The following SGCD variants were observed in gnomAD, a reference collection of about 807,000 sequenced individuals.
The protein encoded by SGCD is sarcoglycan delta, also known as delta-sarcoglycan.
Under a neutral mutation model 36.6 loss-of-function variants are expected in SGCD, and 18 were observed. That is an observed-to-expected ratio of 0.49 (90% confidence interval 0.34 to 0.73). SGCD has a LOEUF of 0.73. SGCD is among the 30% of genes least tolerant of loss of function. The probability of loss-of-function intolerance (pLI) is 0.01; values close to 1 mark genes in which losing one functional copy is unlikely to be tolerated. For missense variants in SGCD, 387 were observed against 346.7 expected, an observed-to-expected ratio of 1.12 and a Z score of -0.92; for synonymous variants, 133 against 130.6, an observed-to-expected ratio of 1.02 and a Z score of -0.12.
chr5:155,752,356 C>T, the SGCD span, among the ~76,000 whole-genome samples: 1 of 152,208 alleles, frequency 6.6e-6, no homozygotes, highest in African/African-American at 2.4e-5. Flanking sequence ...ACCTCAGAGT[C>T]ATGTTCCCCT....
chr5:156,466,501 C>G (rs1754726137), intron 3 of SGCD, among the ~76,000 whole-genome samples: 1 of 152,210 alleles, frequency 6.6e-6, no homozygotes, highest in Non-Finnish European at 1.5e-5. Flanking sequence ...ACTCTCCCCT[C>G]AGTCACTTCA....
intron 1 of SGCD, among the ~76,000 whole-genome samples, chr5:156,029,163 G>A (rs1435958513): frequency 6.6e-6 from 1 of 152,100 alleles, no homozygotes; most frequent in Non-Finnish European, 1.5e-5. Context: ...TCAAGAAAAT[G>A]CTGTGTTTAA....
At chr5:156,496,819 G>C (rs946158695) in intron 3 of SGCD, among the ~76,000 whole-genome samples, 2 of 152,088 alleles carry the variant, frequency 1.3e-5, no homozygotes, top group African/African-American at 4.8e-5. Flanking sequence ...AATGGTGACT[G>C]CTTTGTCATC....
intron 3 of SGCD, among the ~76,000 whole-genome samples, chr5:156,227,858 T>G (rs1220363022): frequency 6.6e-6 from 1 of 152,144 alleles, no homozygotes; most frequent in Non-Finnish European, 1.5e-5. Context: ...GTCTTTCAGT[T>G]TGGAGAATTT....
intron 1 of SGCD, among the ~76,000 whole-genome samples, chr5:155,896,399 C>T (rs1022593169): frequency 4.0e-5 from 6 of 150,928 alleles, no homozygotes; most frequent in Non-Finnish European, 8.9e-5. Flanking sequence ...AGAGTGTTCC[C>T]TACCTGAGAA....
the SGCD span, among the ~76,000 whole-genome samples, chr5:155,863,563 C>T: frequency 7.1e-4 from 102 of 142,774 alleles, no homozygotes; most frequent in Non-Finnish European, 1.3e-3. Flanking sequence ...AGTCAATTAC[C>T]GTCCTCTGCC....
intron 1 of SGCD, among the ~76,000 whole-genome samples, chr5:156,076,239 A>G (rs1486132713): frequency 2.0e-5 from 3 of 151,542 alleles, no homozygotes; most frequent in Admixed American, 6.6e-5. Flanking sequence ...TCCTTCTTCC[A>G]TGTGTCTTTA....
chr5:156,140,246 G>A (rs1224056606), intron 3 of SGCD, among the ~76,000 whole-genome samples: 1 of 152,198 alleles, frequency 6.6e-6, no homozygotes, highest in Non-Finnish European at 1.5e-5. Flanking sequence ...GTCGGTAATG[G>A]GTAGAGGCTG....
intron 3 of SGCD, among the ~76,000 whole-genome samples, chr5:156,309,267 T>G (rs1361152161): frequency 2.0e-5 from 3 of 152,214 alleles, no homozygotes; most frequent in African/African-American, 7.2e-5. Context: ...TAGAAAATGA[T>G]GCATATATTT....
At chr5:156,114,436 A>T (rs558287976) in intron 1 of SGCD, among the ~76,000 whole-genome samples, 1 of 152,232 alleles carries the variant, frequency 6.6e-6, no homozygotes, top group South Asian at 2.1e-4. Flanking sequence ...TAATAGATCT[A>T]TACAGTTTTG....
intron 7 of SGCD, among the ~76,000 whole-genome samples, chr5:156,732,473 T>C (rs1420492347): frequency 1.3e-5 from 2 of 152,206 alleles, no homozygotes; most frequent in Non-Finnish European, 2.9e-5. Flanking sequence ...GGATAAGCTT[T>C]TTGATGTGCT....
chr5:156,034,843 T>C (rs1400541270), intron 1 of SGCD, among the ~76,000 whole-genome samples: 2 of 152,224 alleles, frequency 1.3e-5, no homozygotes, highest in Non-Finnish European at 2.9e-5. Flanking sequence ...TTAGTCAATA[T>C]TTGTTGGATA....
chr5:156,576,274 A>G (rs562943843), intron 4 of SGCD, among the ~76,000 whole-genome samples: 108 of 152,282 alleles, frequency 7.1e-4, no homozygotes, highest in Non-Finnish European at 1.2e-3. Flanking sequence ...TCATGGCTAC[A>G]TAGTATTCCA....
Position 156,269,491 on chromosome 5 carries a change from A to C in SGCD, c.-43-60043A>C, listed in dbSNP as rs978281884. ...TCTCAAAAAAAAAAAAAAAAAAAAA[A>C]AAAAAAAAAAAAAAAAAAACCATCA... On this transcript the variant is annotated intron_variant, in intron 3 of 9. Transcript: ENST00000517913. 8.9e-5 allele frequency among the ~76,000 whole-genome samples: 13 copies of C among 145,716 alleles called. 2 individuals are homozygous for C. The highest frequency in any genetic ancestry group is 1.1e-4 in the Non-Finnish European group (7 of 66,578).
intron 3 of SGCD, among the ~76,000 whole-genome samples, chr5:156,374,785 G>A (rs1770570592): frequency 6.6e-6 from 1 of 151,016 alleles, no homozygotes; most frequent in Admixed American, 6.6e-5. Flanking sequence ...AAGCAACACT[G>A]TCTTTTTGCC....
intron 4 of SGCD, among the ~76,000 whole-genome samples, chr5:156,567,956 C>G (rs1313759007): frequency 6.6e-6 from 1 of 152,100 alleles, no homozygotes; most frequent in African/African-American, 2.4e-5. Flanking sequence ...CATTGCTTTT[C>G]TGATATTATG....
chr5:155,751,615 C>T, the SGCD span, among the ~76,000 whole-genome samples: 1 of 151,742 alleles, frequency 6.6e-6, no homozygotes, highest in Non-Finnish European at 1.5e-5. Context: ...TCTCAAACTC[C>T]TGGGTTCAAA....
chr5:156,120,674 T>A (rs1262373092), intron 2 of SGCD, among the ~76,000 whole-genome samples: 1 of 152,206 alleles, frequency 6.6e-6, no homozygotes, highest in Non-Finnish European at 1.5e-5. Flanking sequence ...TAGGTTGGGA[T>A]GTAACTAAAC....
intron 1 of SGCD, among the ~76,000 whole-genome samples, chr5:155,891,147 A>G (rs1756119685): frequency 6.6e-6 from 1 of 152,124 alleles, no homozygotes; most frequent in Admixed American, 6.5e-5. Context: ...TCAAACCCCT[A>G]TTGCTGATGT....
Sources: gnomAD v4.1 joint callset for allele counts (sites outside exome capture counted in the v4.1 genomes callset) on GRCh38, gnomAD v4.1.1 for gene constraint, MANE v1.5 for transcripts, NCBI Gene and HGNC (gene_info 2026-07-23, HGNC 2026-07-21) for gene names.